SNURF: variants seen among roughly 807,000 people sequenced by gnomAD.
The protein encoded by SNURF is SNRPN upstream open reading frame.
Under a neutral mutation model 11.6 loss-of-function variants are expected in SNURF, and 6 were observed. The observed-to-expected ratio is 0.52, with a 90% CI of 0.28 to 1.02. The LOEUF (loss-of-function observed/expected upper bound fraction) is 1.02. SNURF is among the 50% of genes least tolerant of loss of function. SNURF has a pLI of 0.09. For synonymous variants in SNURF, 29 were observed against 31.6 expected (o/e 0.92, Z 0.27); for missense variants, 84 against 88.4 (o/e 0.95, Z 0.20).
downstream of SNURF, among the ~76,000 whole-genome samples, chr15:24,970,555 C>T (rs79400807): frequency 2.6e-4 from 39 of 152,038 alleles, no homozygotes; most frequent in Admixed American, 9.2e-4. Flanking sequence ...CTTCAGCCTG[C>T]GTGACAGAGC....
downstream of SNURF, among the ~76,000 whole-genome samples, chr15:24,972,058 C>G (rs755656383): frequency 5.9e-5 from 9 of 152,088 alleles, no homozygotes; most frequent in Non-Finnish European, 1.0e-4. Context: ...GAGTTCGAGA[C>G]TAGCCTGGCC....
At chr15:24,963,690 C>T (rs1487805436) in intron 2 of SNURF, among the ~76,000 whole-genome samples, 1 of 151,150 alleles carries the variant, frequency 6.6e-6, no homozygotes, top group Non-Finnish European at 1.5e-5. Context: ...GGTTTTTCCT[C>T]ATAGTAAAAA....
downstream of SNURF, among the ~76,000 whole-genome samples, chr15:24,972,627 C>T (rs1034746296): frequency 2.8e-5 from 4 of 144,806 alleles, no homozygotes; most frequent in Admixed American, 7.0e-5. Context: ...CAAAAAGATA[C>T]TTTTGAATCC....
chr15:24,976,335 A>G, exon 5 of SNURF: 1 of 1,613,676 alleles, frequency 6.2e-7, no homozygotes. Context: ...CAGAGCGTGA[A>G]GAAAAGCGGG....
chr15:24,977,948 G>C, downstream of SNURF: 1 of 1,524,418 alleles, frequency 6.6e-7, no homozygotes, highest in Non-Finnish European at 8.8e-7. Context: ...AGACGAACTT[G>C]AATCTCTGAT....
downstream of SNURF, chr15:24,978,023 T>C: frequency 8.1e-7 from 1 of 1,238,284 alleles, no homozygotes. Context: ...TATGCTTCCT[T>C]CTTCTAGATA....
exon 4 of SNURF, chr15:24,975,441 C>T (rs2076954041): frequency 1.9e-6 from 3 of 1,612,994 alleles, no homozygotes; most frequent in Admixed American, 3.3e-5. Context: ...TCTTCATTGG[C>T]ACCTTTAAGG....
chr15:24,964,022 A>T (rs892685012), intron 2 of SNURF, among the ~76,000 whole-genome samples: 7 of 152,092 alleles, frequency 4.6e-5, no homozygotes, highest in Admixed American at 2.6e-4. Flanking sequence ...ACAGAATGAG[A>T]TCTAGTCTCA....
chr15:24,969,502 A>C (rs2076132800), downstream of SNURF, among the ~76,000 whole-genome samples: 1 of 152,080 alleles, frequency 6.6e-6, no homozygotes, highest in African/African-American at 2.4e-5. Flanking sequence ...TATACACAAC[A>C]TTTTCTAGCA....
At chr15:24,966,573 G>T (rs975444280) in intron 2 of SNURF, among the ~76,000 whole-genome samples, 2 of 152,204 alleles carry the variant, frequency 1.3e-5, no homozygotes, top group African/African-American at 2.4e-5. Flanking sequence ...TTTGTGGCCT[G>T]GTTAGTCACC....
At chr15:24,958,110 A>C (rs1269570979) in intron 1 of SNURF, among the ~76,000 whole-genome samples, 1 of 152,126 alleles carries the variant, frequency 6.6e-6, no homozygotes, top group Non-Finnish European at 1.5e-5. Flanking sequence ...CTATCTGACC[A>C]GTGTGTCATT....
chr15:24,974,892 T>C lies in SNURF; in HGVS notation c.*46-466T>C. 4.3e-6 allele frequency: 3 copies of C among 702,560 alleles called. No individual in the cohort carries two copies. The South Asian group carries it at 4.4e-5, about 10-fold the overall frequency. The allele number at this position is 702,560 out of a possible 1,614,324, so 43.5% of individuals were successfully genotyped here. Reference sequence around the variant, plus strand: ...AGAAATGTTTCATGATGTGAGAAAATACAGGAGTTTTTGGTCATGATTCCA... The same window carrying C: ...AGAAATGTTTCATGATGTGAGAAAACACAGGAGTTTTTGGTCATGATTCCA... On this transcript the variant is annotated intron_variant and NMD_transcript_variant, in intron 3 of 6. Coordinates refer to the SNURF transcript ENST00000580062.
chr15:24,964,254 TGTC>T (rs1443229007), intron 2 of SNURF, among the ~76,000 whole-genome samples: 28 of 152,228 alleles, frequency 1.8e-4, no homozygotes, highest in Non-Finnish European at 4.0e-4. Context: ...TAATATAATT[TGTC>T]CTTTATATAT....
At chr15:24,978,377 T>G (rs2153722914), downstream of SNURF, 1 of 1,614,034 alleles carries the variant, frequency 6.2e-7, no homozygotes, top group East Asian at 2.2e-5. Flanking sequence ...GTGTATCCTC[T>G]TTTTCTCAAT....
At chr15:24,969,663 A>C (rs771906376), downstream of SNURF, among the ~76,000 whole-genome samples, 34 of 152,028 alleles carry the variant, frequency 2.2e-4, no homozygotes, top group Non-Finnish European at 4.3e-4. Flanking sequence ...GTAAATTTTT[A>C]AATACAACAT....
chr15:24,955,928 G>A (rs926357935), intron 1 of SNURF, among the ~76,000 whole-genome samples: 3 of 149,688 alleles, frequency 2.0e-5, no homozygotes, highest in Non-Finnish European at 4.5e-5. Flanking sequence ...GCTGTGTAGA[G>A]GAGGGGGCAT....
rs571239725 is a variant in SNURF at position 24,976,316 on chromosome 15, C to T, written c.*209C>T. On this transcript the variant is annotated 3_prime_UTR_variant and NMD_transcript_variant, in exon 5 of 7. Transcript: ENST00000580062. ...ATTCTGATTTGTAGGCCAAAGAATG[C>T]GAAGCAACCAGAGCGTGAAGAAAAG... The T allele has an allele frequency of 1.7e-5, 28 of 1,613,236 alleles. No homozygotes were observed. Among genetic ancestry groups the T allele is most frequent in the Middle Eastern group, 1.7e-4 (1 of 6,056 alleles).
At chr15:24,967,123 A>C (rs2075755036) in intron 2 of SNURF, 2 of 152,128 alleles carry the variant, frequency 1.3e-5, no homozygotes, top group Non-Finnish European at 2.9e-5. Context: ...CCCTGGGGAG[A>C]AAGGATTGTT....
chr15:24,960,253 A>G (rs1045949518), intron 1 of SNURF, among the ~76,000 whole-genome samples: 2 of 152,158 alleles, frequency 1.3e-5, no homozygotes, highest in East Asian at 1.9e-4. Context: ...GGAAGTTGGC[A>G]AAGTCTATAT....
Sources: gnomAD v4.1 joint callset for allele counts (sites outside exome capture counted in the v4.1 genomes callset) on GRCh38, gnomAD v4.1.1 for gene constraint, MANE v1.5 for transcripts, NCBI Gene and HGNC (gene_info 2026-07-23, HGNC 2026-07-21) for gene names.